ALG9: variants seen among roughly 807,000 people sequenced by gnomAD.
ALG9 encodes the protein ALG9 alpha-1,2-mannosyltransferase.
A neutral mutation model predicts 81.8 loss-of-function variants in ALG9; 55 were observed. That is an observed-to-expected ratio of 0.67 (90% CI 0.54 to 0.84). ALG9 has a LOEUF of 0.84. ALG9 is among the 40% of genes least tolerant of loss of function. The pLI is 0.00. For synonymous variants in ALG9, 278 were observed against 274.3 expected (o/e 1.01, Z -0.13); for missense variants, 629 against 745.0 (o/e 0.84, Z 1.81).
chr11:111,778,126 C>CT (rs373224915), downstream of ALG9: 1,048 of 150,228 alleles, frequency 7.0e-3, 7 homozygotes, highest in African/African-American at 0.017. Flanking sequence ...TTCACACCTT[C>CT]TTTTTTTTTT....
At chr11:111,781,892 C>T (rs1163898211), downstream of ALG9, among the ~76,000 whole-genome samples, 1 of 152,186 alleles carries the variant, frequency 6.6e-6, no homozygotes, top group African/African-American at 2.4e-5. Flanking sequence ...ATGATCCACC[C>T]GTCTCGGCAT....
chr11:111,772,340 C>A, the ALG9 span, among the ~76,000 whole-genome samples: 1 of 152,184 alleles, frequency 6.6e-6, no homozygotes, highest in African/African-American at 2.4e-5. Context: ...GTGGGAGAAT[C>A]GCTTGAGCCT....
At position 111,802,664 on chromosome 11, in the gene ALG9, C is replaced by T. The variant is rs183426279; in HGVS notation, c.1733+6979G>A. Among the ~76,000 whole-genome samples the T allele has an allele frequency of 3.3e-3, 498 of 151,972 alleles. 3 individuals carry two copies. The highest frequency in any genetic ancestry group is 5.9e-3 in the Non-Finnish European group (399 of 67,958). On this transcript the variant is annotated intron_variant, in intron 14 of 14. Transcript: ENST00000616540. Reference sequence around the variant, plus strand: ...TGAACTGGATATGTAAACTATACTGCAATAAAGTTTAAAAAAAAACACCCC... The same window carrying T: ...TGAACTGGATATGTAAACTATACTGTAATAAAGTTTAAAAAAAAACACCCC...
chr11:111,804,981 G>A (rs1171034832), intron 14 of ALG9: 11 of 231,426 alleles, frequency 4.8e-5, no homozygotes, highest in Non-Finnish European at 9.4e-5. Flanking sequence ...AGTTGAAAAT[G>A]TATGTCCACA....
At chr11:111,780,264 C>T (rs1945854997), downstream of ALG9, among the ~76,000 whole-genome samples, 1 of 152,014 alleles carries the variant, frequency 6.6e-6, no homozygotes, top group Non-Finnish European at 1.5e-5. Context: ...TAGAAGCTAC[C>T]CTTCTAAAAT....
At chr11:111,792,166 A>C (rs1224130169) in intron 14 of ALG9, among the ~76,000 whole-genome samples, 1 of 152,206 alleles carries the variant, frequency 6.6e-6, no homozygotes, top group Non-Finnish European at 1.5e-5. Context: ...CTTTTCTCTC[A>C]GTGCACCTGT....
chr11:111,804,940 A>T (rs1377410340), intron 14 of ALG9, among the ~76,000 whole-genome samples: 2 of 152,242 alleles, frequency 1.3e-5, no homozygotes, highest in Non-Finnish European at 2.9e-5. Context: ...CATACAATCC[A>T]GCAATCATAC....
At chr11:111,799,372 C>T (rs1948764344) in intron 14 of ALG9, among the ~76,000 whole-genome samples, 1 of 151,812 alleles carries the variant, frequency 6.6e-6, no homozygotes, top group African/African-American at 2.4e-5. Context: ...TCAATCTCTT[C>T]ACCTATGATC....
chr11:111,805,611 C>G (rs1188094501), intron 14 of ALG9, among the ~76,000 whole-genome samples: 2 of 152,168 alleles, frequency 1.3e-5, no homozygotes, highest in East Asian at 3.9e-4. Context: ...AAAGGCAAAA[C>G]TATGAAGACA....
At chr11:111,813,339 C>T (rs1401974980) in intron 13 of ALG9, among the ~76,000 whole-genome samples, 5 of 152,158 alleles carry the variant, frequency 3.3e-5, no homozygotes, top group South Asian at 2.1e-4. Flanking sequence ...CAGTGGCTCA[C>T]GCCTGTAATC....
rs1555063443 is a variant in ALG9, at chr11:111,786,284, T to C, written c.*113A>G. On this transcript the variant is annotated 3_prime_UTR_variant, in exon 15 of 15. Transcript: ENST00000616540. Reference sequence around the variant, plus strand: ...AGCCCAGAGCACCCAGATTCCAGTATTCATGTCAGAAGACCTTTATTACAA... The same window carrying C: ...AGCCCAGAGCACCCAGATTCCAGTACTCATGTCAGAAGACCTTTATTACAA... 3 of 1,522,268 alleles carry C rather than the reference T, an allele frequency of 2.0e-6. No individual in the cohort carries two copies. The highest frequency in any genetic ancestry group is 1.1e-5 in the South Asian group (1 of 88,586). The allele number at this position is 1,522,268 out of a possible 1,614,324, so 94.3% of individuals were successfully genotyped here.
intron 8 of ALG9, among the ~76,000 whole-genome samples, chr11:111,851,226 C>G (rs1555137838): frequency 6.6e-6 from 1 of 152,172 alleles, no homozygotes; most frequent in African/African-American, 2.4e-5. Flanking sequence ...TGCTTGTAAT[C>G]CCAGCACTTT....
intron 4 of ALG9, among the ~76,000 whole-genome samples, chr11:111,863,950 C>A (rs1031627582): frequency 3.3e-5 from 5 of 152,088 alleles, no homozygotes; most frequent in African/African-American, 1.2e-4. Flanking sequence ...GTATTTATGA[C>A]CTCAGGAAAG....
intron 4 of ALG9, among the ~76,000 whole-genome samples, chr11:111,863,994 AC>A (rs1341460080): frequency 2.0e-5 from 3 of 152,234 alleles, no homozygotes; most frequent in Non-Finnish European, 4.4e-5. Context: ...GTTCCCTTCA[AC>A]TGTTGGTTTC....
Position 111,782,822 on chromosome 11 carries a change from A to C in ALG9, c.*3575T>G, listed in dbSNP as rs1701775158. 6.6e-6 allele frequency: 1 copy of C among 152,250 alleles called. No individual in the cohort carries two copies. Among genetic ancestry groups the C allele is most frequent in the South Asian group, 2.1e-4 (1 of 4,828 alleles). 9.4% of individuals were successfully genotyped at this position (152,250 alleles called of 1,614,324 possible). A position where few individuals can be genotyped will look rare whatever the true frequency, so the allele number is the denominator to read the frequency against. On this transcript the variant is annotated 3_prime_UTR_variant, in exon 15 of 15. Transcript: ENST00000616540. ...TTCTTTCCTAGAACTCCAAAGTTGG[A>C]AAAATGACCCAGATAAATGATTGGG...
At chr11:111,809,183 T>A (rs1236052260) in intron 14 of ALG9, among the ~76,000 whole-genome samples, 3 of 152,136 alleles carry the variant, frequency 2.0e-5, no homozygotes, top group Non-Finnish European at 4.4e-5. Context: ...TGCATTCTGG[T>A]GCCTCAAAAA....
intron 13 of ALG9, among the ~76,000 whole-genome samples, chr11:111,820,920 G>GCGCACACACACACACA (rs72334123): frequency 2.1e-5 from 3 of 146,264 alleles, no homozygotes; most frequent in African/African-American, 7.6e-5. Context: ...AAACACGCGC[G>GCGCACACACACACACA]CACACACACA....
chr11:111,815,086 G>T (rs1193938582), intron 13 of ALG9, among the ~76,000 whole-genome samples: 1 of 152,150 alleles, frequency 6.6e-6, no homozygotes, highest in African/African-American at 2.4e-5. Flanking sequence ...GCCTACCAGG[G>T]ATGTGGGTGG....
chr11:111,846,615 A>G (rs1289643477), intron 8 of ALG9, among the ~76,000 whole-genome samples: 1 of 152,234 alleles, frequency 6.6e-6, no homozygotes, highest in Non-Finnish European at 1.5e-5. Flanking sequence ...ATTTCATAAC[A>G]GACTGTTATT....
Sources: gnomAD v4.1 joint callset for allele counts (sites outside exome capture counted in the v4.1 genomes callset) on GRCh38, gnomAD v4.1.1 for gene constraint, MANE v1.5 for transcripts, NCBI Gene and HGNC (gene_info 2026-07-23, HGNC 2026-07-21) for gene names.